DPP10: variants seen among roughly 807,000 people sequenced by gnomAD.
The protein encoded by DPP10 is inactive dipeptidyl peptidase 10.
DPP10 carries 33 observed loss-of-function variants against 120.9 expected under a neutral mutation model. The ratio of observed to expected loss-of-function variants is 0.27; its 90% CI spans 0.21 to 0.37. The LOEUF is 0.37. Ranked by LOEUF, DPP10 falls within the 10% of genes least tolerant of loss-of-function variation. The pLI, the probability that DPP10 is intolerant of heterozygous loss-of-function variation, is 1.00. For synonymous variants in DPP10, 337 were observed against 326.1 expected (o/e 1.03, Z -0.36); for missense variants, 816 against 942.8 (o/e 0.87, Z 1.76).
chr2:115,283,750 G>A (rs1390441427), intron 1 of DPP10, among the ~76,000 whole-genome samples: 1 of 151,976 alleles, frequency 6.6e-6, no homozygotes, highest in African/African-American at 2.4e-5. Context: ...CAGTGTTTCG[G>A]TCAGTGATGG....
At chr2:115,630,915 C>T (rs1204113000) in intron 5 of DPP10, among the ~76,000 whole-genome samples, 4 of 152,062 alleles carry the variant, frequency 2.6e-5, no homozygotes, top group Middle Eastern at 3.4e-3. Flanking sequence ...ATGCTGGCTG[C>T]ATAAGATGAA....
At chr2:115,773,241 A>C (rs945984555) in intron 13 of DPP10, among the ~76,000 whole-genome samples, 4 of 152,198 alleles carry the variant, frequency 2.6e-5, no homozygotes, top group African/African-American at 9.6e-5. Flanking sequence ...AACATTTAAT[A>C]TAAGAAATGT....
intron 5 of DPP10, among the ~76,000 whole-genome samples, chr2:115,530,742 T>A (rs1432379069): frequency 6.6e-6 from 1 of 152,076 alleles, no homozygotes; most frequent in African/African-American, 2.4e-5. Context: ...TCATTCTCAC[T>A]CTTGGCTATG....
chr2:115,434,528 T>A (rs1417088049), intron 3 of DPP10, among the ~76,000 whole-genome samples: 3 of 151,818 alleles, frequency 2.0e-5, no homozygotes, highest in Non-Finnish European at 2.9e-5. Flanking sequence ...TCTTCTTTTT[T>A]AAAAAAAATA....
chr2:115,350,808 A>G (rs2063976290), intron 3 of DPP10, among the ~76,000 whole-genome samples: 1 of 152,120 alleles, frequency 6.6e-6, no homozygotes, highest in South Asian at 2.1e-4. Context: ...CATGCAATTT[A>G]TCTATATTAC....
At chr2:114,478,376 G>A (rs979847938) in intron 1 of DPP10, among the ~76,000 whole-genome samples, 3 of 151,914 alleles carry the variant, frequency 2.0e-5, no homozygotes, top group Non-Finnish European at 4.4e-5. Flanking sequence ...TTTATTTACT[G>A]CAAACATGCA....
intron 2 of DPP10, among the ~76,000 whole-genome samples, chr2:115,323,482 T>C (rs1574420784): frequency 6.6e-6 from 1 of 152,320 alleles, no homozygotes; most frequent in South Asian, 2.1e-4. Context: ...AATGTTGATA[T>C]TTTGACCTTT....
chr2:115,304,623 A>G (rs1221247610), intron 1 of DPP10, among the ~76,000 whole-genome samples: 3 of 152,070 alleles, frequency 2.0e-5, no homozygotes, highest in African/African-American at 7.2e-5. Flanking sequence ...ATTTCTTTTC[A>G]GAATACATAT....
At chr2:115,000,738 T>G (rs1321503997) in intron 1 of DPP10, among the ~76,000 whole-genome samples, 1 of 152,200 alleles carries the variant, frequency 6.6e-6, no homozygotes. Context: ...TTAAGCAATT[T>G]TAATGCTGAG....
chr2:115,364,574 T>C (rs1027883893), intron 3 of DPP10, among the ~76,000 whole-genome samples: 5 of 151,888 alleles, frequency 3.3e-5, no homozygotes, highest in African/African-American at 1.2e-4. Context: ...CTTTTCCTTA[T>C]GAAACATCAG....
At chr2:115,148,373 A>C (rs548172359) in intron 1 of DPP10, among the ~76,000 whole-genome samples, 3 of 152,160 alleles carry the variant, frequency 2.0e-5, no homozygotes, top group Non-Finnish European at 4.4e-5. Context: ...TCTCAGTGAC[A>C]TAAACCCCCA....
intron 3 of DPP10, among the ~76,000 whole-genome samples, chr2:115,385,396 C>T (rs566783626): frequency 9.9e-5 from 15 of 151,456 alleles, no homozygotes; most frequent in Non-Finnish European, 2.1e-4. Flanking sequence ...GCTCTTGTCG[C>T]CCAGGCTGGA....
intron 3 of DPP10, chr2:115,468,563 G>T: frequency 2.4e-6 from 1 of 411,974 alleles, no homozygotes; most frequent in Non-Finnish European, 4.7e-6. Flanking sequence ...ACTCAGTGGG[G>T]CTAATGTGGT....
At chr2:114,967,308 C>A (rs553709322) in intron 1 of DPP10, among the ~76,000 whole-genome samples, 36 of 152,192 alleles carry the variant, frequency 2.4e-4, no homozygotes, top group South Asian at 2.1e-3. Flanking sequence ...AGTGAGTTGT[C>A]CTGAGATATG....
At chr2:115,279,641 CTTTTT>C (rs1200835822) in intron 1 of DPP10, among the ~76,000 whole-genome samples, 2 of 66,406 alleles carry the variant, frequency 3.0e-5, no homozygotes, top group African/African-American at 5.6e-5. Flanking sequence ...TTCTTTCTTT[CTTTTT>C]TTCTTCTTCT....
At chr2:114,913,565 A>G (rs1400090665) in intron 1 of DPP10, among the ~76,000 whole-genome samples, 2 of 152,226 alleles carry the variant, frequency 1.3e-5, no homozygotes, top group Non-Finnish European at 2.9e-5. Flanking sequence ...GCCAAAAGCA[A>G]AAAGCCCCAT....
chr2:115,740,786 AAAG>A (rs1307182447), intron 9 of DPP10, among the ~76,000 whole-genome samples: 3 of 152,136 alleles, frequency 2.0e-5, no homozygotes, highest in Non-Finnish European at 2.9e-5. Context: ...TTTATATAAC[AAAG>A]AAGAAGGCTC....
At chr2:114,547,992 C>T (rs1687558689) in intron 1 of DPP10, among the ~76,000 whole-genome samples, 1 of 152,118 alleles carries the variant, frequency 6.6e-6, no homozygotes, top group South Asian at 2.1e-4. Context: ...CCAGCAGCCC[C>T]ACTGCAGGGA....
rs189556201 is a variant in DPP10, at chr2:115,252,325, C to T, written c.61-56914C>T. On this transcript the variant is annotated intron_variant, in intron 1 of 25. Coordinates refer to ENST00000410059, the MANE Select transcript of DPP10 (RefSeq NM_020868.6). ...CCCTTCAACCTTGCTGTGGGAGCCA[C>T]TGTTCTTAATTTTCTAAATAATTCC... is the stretch of plus-strand genomic sequence containing the variant. 7.9e-5 allele frequency among the ~76,000 whole-genome samples: 12 copies of T among 152,272 alleles called. No individual in the cohort carries two copies. In the East Asian group the frequency reaches 9.6e-4, roughly 12 times the overall value.
Sources: gnomAD v4.1 joint callset for allele counts (sites outside exome capture counted in the v4.1 genomes callset) on GRCh38, gnomAD v4.1.1 for gene constraint, MANE v1.5 for transcripts, NCBI Gene and HGNC (gene_info 2026-07-23, HGNC 2026-07-21) for gene names.